Variants in SLC6A14 observed in about 807,000 individuals in gnomAD.
SLC6A14 encodes the protein sodium- and chloride-dependent neutral and basic amino acid transporter B(0+).
In SLC6A14, 21 loss-of-function variants were observed where a neutral mutation model predicts 51.4. The ratio of observed to expected loss-of-function variants is 0.41; its 90% CI spans 0.29 to 0.59. SLC6A14 has a LOEUF of 0.59. Ranked by LOEUF, SLC6A14 falls within the 20% of genes least tolerant of loss-of-function variation. The pLI is 0.31. For missense variants in SLC6A14, 371 were observed against 472.8 expected (o/e 0.78, Z 2.00); for synonymous variants, 177 against 160.7 (o/e 1.10, Z -0.77).
At chrX:116,445,977 A>T (rs1360412280) in intron 6 of SLC6A14, among the ~76,000 whole-genome samples, 2 of 109,247 alleles carry the variant, frequency 1.8e-5, no homozygotes, top group African/African-American at 6.6e-5. Context: ...CATTTTTTAA[A>T]CCCTTGGTTT....
chrX:116,458,684 T>A, intron 13 of SLC6A14, 125 bp from the exon 14 acceptor site: 1 of 581,359 alleles, frequency 1.7e-6, no homozygotes, highest in Non-Finnish European at 2.5e-6. Context: ...TTTAGTTTTC[T>A]ATGATGCTTA....
At position 116,458,975 on chromosome X, in the gene SLC6A14, T is replaced by C; in HGVS notation, c.*20T>C. 1 of 1,161,196 alleles carries C rather than the reference T, an allele frequency of 8.6e-7. No homozygotes were observed. The highest frequency in any genetic ancestry group is 1.8e-5 in the African/African-American group (1 of 56,051). On this transcript the variant is annotated 3_prime_UTR_variant, in exon 14 of 14. Transcript: ENST00000598581. ...GAATGAGATCTCATTGAAAAAAATATATGATTGTATAATGTGATTTTTTTT... is the reference window on the plus strand; with the variant it reads ...GAATGAGATCTCATTGAAAAAAATACATGATTGTATAATGTGATTTTTTTT...
At chrX:116,438,943 G>A (rs782405337) in intron 2 of SLC6A14, among the ~76,000 whole-genome samples, 105 of 111,741 alleles carry the variant, frequency 9.4e-4, no homozygotes, top group Non-Finnish European at 1.7e-3. Context: ...AACCGTTTAA[G>A]TGTCAGTAGC....
At position 116,436,777 on chromosome X, in the gene SLC6A14, G is replaced by T. The variant is rs782337618; in HGVS notation, c.48+20G>T. The T allele has an allele frequency of 3.0e-5, 35 of 1,157,510 alleles. No homozygotes were observed. In the South Asian group the frequency reaches 6.8e-4, roughly 22 times the overall value. The stretch of plus-strand genomic sequence containing the variant: ...AAGGAGGTAGGGGTCTGGGAGCTGC[G>T]GGAGGTGTGGAGGACCTGAGAGTGG... On this transcript the variant is annotated intron_variant, in intron 1 of 13. Transcript: ENST00000598581.
intron 12 of SLC6A14, among the ~76,000 whole-genome samples, chrX:116,456,336 AT>A (rs1361115790): frequency 1.7e-3 from 185 of 105,740 alleles, no homozygotes; most frequent in African/African-American, 4.8e-3. Flanking sequence ...AGAGGATTAC[AT>A]TTTTTTTTTT....
intron 9 of SLC6A14, among the ~76,000 whole-genome samples, chrX:116,453,868 C>T (rs1360395301): frequency 6.3e-5 from 7 of 111,058 alleles, no homozygotes; most frequent in African/African-American, 2.3e-4. Flanking sequence ...CTTTCAAAGT[C>T]CTTGAAAATC....
At chrX:116,441,269 G>A (rs1431102989) in intron 3 of SLC6A14, among the ~76,000 whole-genome samples, 172 bp downstream of exon 3, 1 of 112,274 alleles carries the variant, frequency 8.9e-6, no homozygotes. Flanking sequence ...GTTTGCCACT[G>A]CAGAATTTAA....
At chrX:116,449,165 T>G (rs1556694236) in intron 7 of SLC6A14, among the ~76,000 whole-genome samples, 1 of 111,819 alleles carries the variant, frequency 8.9e-6, no homozygotes, top group Non-Finnish European at 1.9e-5. Context: ...AACTAAGACT[T>G]ACATAGATTC....
intron 12 of SLC6A14, 31 bp downstream of exon 12, chrX:116,455,497 C>A: frequency 1.1e-6 from 1 of 879,819 alleles, no homozygotes; most frequent in Non-Finnish European, 1.7e-6. Flanking sequence ...AACTTGATTT[C>A]GATAATACAT....
At chrX:116,458,256 T>A (rs1556694923) in intron 13 of SLC6A14, among the ~76,000 whole-genome samples, 2 of 111,879 alleles carry the variant, frequency 1.8e-5, no homozygotes, top group Non-Finnish European at 3.8e-5. Context: ...GTCATCCCTC[T>A]TCCATGGAGG....
intron 12 of SLC6A14, 53 bp downstream of exon 12, chrX:116,455,519 T>C: frequency 1.3e-6 from 1 of 770,962 alleles, no homozygotes; most frequent in Non-Finnish European, 2.0e-6. Flanking sequence ...TGTTCTAAGA[T>C]AAACTTAATA....
rs1927912815 is a variant in SLC6A14 at position 116,455,391 on chromosome X, G to C, written c.1539G>C (p.Met513Ile). 1 of 1,207,417 alleles carries C rather than the reference G, an allele frequency of 8.3e-7. No individual in the cohort carries two copies. The highest frequency in any genetic ancestry group is 2.2e-5 in the Admixed American group (1 of 45,952). ...GNRFIEDTEM[M>I]IGAKRWIFWL... is the part of the protein sequence containing the mutation. ...GATTCATTGAGGATACAGAAATGAT[G>C]ATTGGAGCAAAGAGGTGGATATTCT... The change falls in exon 12 of 14, where the codon ATG becomes ATC. Residue 513 changes from methionine to isoleucine, a missense_variant. Met to Ile is a conservative substitution (Grantham distance 10). This residue lies in a region of SLC6A14 where 277 missense variants were observed against 391.8 expected (regional missense o/e 0.71). Transcript: ENST00000598581.
chrX:116,446,911 T>C, intron 7 of SLC6A14, 30 bp downstream of exon 7: 1 of 1,166,782 alleles, frequency 8.6e-7, no homozygotes, highest in Non-Finnish European at 1.2e-6. Flanking sequence ...TCAAATTATC[T>C]GAGGAGGTAA....
Position 116,451,804 on chromosome X carries a change from A to T in SLC6A14, c.1159+134A>T, listed in dbSNP as rs1556694426. The T allele has an allele frequency of 1.7e-5, 7 of 416,923 alleles. No individual in the cohort carries two copies. The Admixed American group carries it at 2.4e-4, about 15-fold the overall frequency. 34.4% of individuals were successfully genotyped at this position (416,923 alleles called of 1,213,427 possible). A position where few individuals can be genotyped will look rare whatever the true frequency, so the allele number is the denominator to read the frequency against. The stretch of plus-strand genomic sequence containing the variant: ...TGAATTTTCTTCCTCATTTCATCTT[A>T]TATAATTTTGTTGCTGTAACAATAT... On this transcript the variant is annotated intron_variant, in intron 8 of 13. Coordinates refer to ENST00000598581, the MANE Select transcript of SLC6A14 (RefSeq NM_007231.5).
At chrX:116,450,402 G>T (rs1602513850) in intron 7 of SLC6A14, among the ~76,000 whole-genome samples, 1 of 111,404 alleles carries the variant, frequency 9.0e-6, no homozygotes, top group Non-Finnish European at 1.9e-5. Context: ...AGTAGGCGGA[G>T]GAATGGGAAC....
intron 12 of SLC6A14, among the ~76,000 whole-genome samples, chrX:116,455,894 C>T (rs1927925119): frequency 9.0e-6 from 1 of 111,270 alleles, no homozygotes; most frequent in African/African-American, 3.3e-5. Context: ...ATACTGACTG[C>T]TGAGAAACAA....
chrX:116,449,770 T>C (rs1556694282), intron 7 of SLC6A14, among the ~76,000 whole-genome samples: 1 of 111,515 alleles, frequency 9.0e-6, no homozygotes, highest in African/African-American at 3.3e-5. Context: ...AGAAATAAAT[T>C]CAAAAACAAA....
At chrX:116,452,077 T>C (rs1927835822) in intron 8 of SLC6A14, among the ~76,000 whole-genome samples, 1 of 112,042 alleles carries the variant, frequency 8.9e-6, no homozygotes. Context: ...TTTAAAGGAA[T>C]CTTAGTGAAC....
chrX:116,442,484 C>T (rs1927618346), intron 3 of SLC6A14, among the ~76,000 whole-genome samples: 2 of 110,940 alleles, frequency 1.8e-5, no homozygotes, highest in African/African-American at 6.6e-5. Flanking sequence ...AGGCTGGTCT[C>T]GAACTCCTGA....
Sources: gnomAD v4.1 joint callset for allele counts (sites outside exome capture counted in the v4.1 genomes callset) on GRCh38, gnomAD v4.1.1 for gene constraint, gnomAD v4.1.1 regional missense constraint, MANE v1.5 for transcripts, NCBI Gene and HGNC (gene_info 2026-07-23, HGNC 2026-07-21) for gene names.